NTRK1: variants seen among roughly 807,000 people sequenced by gnomAD.
NTRK1 encodes high affinity nerve growth factor receptor.
Under a neutral mutation model 86.8 loss-of-function variants are expected in NTRK1, and 62 were observed. That is an observed-to-expected ratio of 0.71 (90% CI 0.58 to 0.88). The LOEUF is 0.88. Ranked by LOEUF, NTRK1 falls within the 40% of genes least tolerant of loss-of-function variation. The probability of loss-of-function intolerance (pLI) is 0.00; values close to 1 mark genes in which losing one functional copy is unlikely to be tolerated. For synonymous variants in NTRK1, 469 were observed against 456.6 expected, an observed-to-expected ratio of 1.03 and a Z score of -0.35; for missense variants, 967 against 1,078.4, an observed-to-expected ratio of 0.90 and a Z score of 1.45.
chr1:156,854,316 A>C lies in NTRK1; in HGVS notation c.51-10038A>C. 1 of 1,597,770 alleles carries C rather than the reference A, an allele frequency of 6.3e-7. No individual in the cohort carries two copies. Among genetic ancestry groups the C allele is most frequent in the Admixed American group, 1.7e-5 (1 of 59,434 alleles). On this transcript the variant is annotated intron_variant, in intron 2 of 16. Coordinates refer to the NTRK1 transcript ENST00000392302. This position sits in a 1 kb window ranked among gnomAD's most constrained non-coding sequence, Gnocchi z 4.2. ...AGGCTGGGGCACACTGTGGGCATAC[A>C]CGGCACGCAGCATTGAGTACAGCCC...
At chr1:156,821,748 G>T (rs1312107766) in intron 1 of NTRK1, among the ~76,000 whole-genome samples, 2 of 152,180 alleles carry the variant, frequency 1.3e-5, no homozygotes, top group Admixed American at 6.5e-5. Context: ...TTCAGACAGG[G>T]TGCAAGGTGA....
chr1:156,820,380 G>A (rs1317275355), intron 1 of NTRK1, among the ~76,000 whole-genome samples: 1 of 152,154 alleles, frequency 6.6e-6, no homozygotes. Context: ...CCAAGTAGTT[G>A]GGACTACAGG....
chr1:156,817,358 G>T (rs1365965024), intron 1 of NTRK1, among the ~76,000 whole-genome samples: 1 of 151,966 alleles, frequency 6.6e-6, no homozygotes, highest in Non-Finnish European at 1.5e-5. Flanking sequence ...TCAGGCGAGA[G>T]AATCGCTTGA....
Position 156,860,883 on chromosome 1 carries a change from G to C in NTRK1, c.-52G>C. On this transcript the variant is annotated 5_prime_UTR_variant, in exon 1 of 17. Coordinates refer to ENST00000524377, the MANE Select transcript of NTRK1 (RefSeq NM_002529.4). ...TGTCGGGGGAGGCCTGGCAGCTGCA[G>C]CTGGGAGCGCACAGACGGCTGCCCC... 9 of 1,396,718 alleles carry C rather than the reference G, an allele frequency of 6.4e-6. No homozygotes were observed. Among genetic ancestry groups the C allele is most frequent in the Non-Finnish European group, 8.3e-6 (9 of 1,087,500 alleles). 86.5% of individuals were successfully genotyped at this position (1,396,718 alleles called of 1,614,324 possible).
At chr1:156,831,250 G>A (rs1300065428) in intron 1 of NTRK1, among the ~76,000 whole-genome samples, 1 of 152,184 alleles carries the variant, frequency 6.6e-6, no homozygotes, top group Non-Finnish European at 1.5e-5. Flanking sequence ...ATGTGGAGGC[G>A]GGATGGTCAT....
At chr1:156,866,738 C>CCCCCA (rs1471079114) in intron 3 of NTRK1, among the ~76,000 whole-genome samples, 172 bp from the exon 4 acceptor site, 3 of 146,380 alleles carry the variant, frequency 2.0e-5, no homozygotes, top group African/African-American at 7.6e-5. Flanking sequence ...GTCCCCCCAC[C>CCCCCA]CCCCACCCCA....
chr1:156,829,192 A>C (rs1654400805), intron 1 of NTRK1, among the ~76,000 whole-genome samples: 1 of 152,186 alleles, frequency 6.6e-6, no homozygotes, highest in African/African-American at 2.4e-5. Flanking sequence ...TTAGATGTAG[A>C]GTAGGTGACG....
intron 1 of NTRK1, chr1:156,840,699 T>C (rs529682178): frequency 6.4e-6 from 4 of 623,246 alleles, no homozygotes; most frequent in Middle Eastern, 4.3e-4. Context: ...GAAACTCCTA[T>C]GGTGAGACCC....
intron 1 of NTRK1, among the ~76,000 whole-genome samples, chr1:156,820,551 C>G (rs1472776708): frequency 6.6e-6 from 1 of 152,186 alleles, no homozygotes; most frequent in Non-Finnish European, 1.5e-5. Context: ...CCAGCCCCCC[C>G]AATGTATGTT....
chr1:156,842,916 G>T, intron 2 of NTRK1: 1 of 1,022,192 alleles, frequency 9.8e-7, no homozygotes, highest in Non-Finnish European at 1.5e-6. Flanking sequence ...CCTTAATGGT[G>T]CCCTAACCTC....
chr1:156,861,786 T>TC (rs1558096375), intron 1 of NTRK1, among the ~76,000 whole-genome samples: 1 of 152,148 alleles, frequency 6.6e-6, no homozygotes, highest in Non-Finnish European at 1.5e-5. Context: ...TCCAACCTTG[T>TC]CTCTCTACCT....
rs1647472328 is a variant in NTRK1, at chr1:156,870,172, T to C, written c.718-1451T>C. Reference sequence around the variant, plus strand: ...GGAGAGACCTTAGATCAACTCTGTTTGGGGTGATTCCAGGATTTGCTTTCT... The same window carrying C: ...GGAGAGACCTTAGATCAACTCTGTTCGGGGTGATTCCAGGATTTGCTTTCT... On this transcript the variant is annotated intron_variant, in intron 6 of 16. Coordinates refer to ENST00000524377, the MANE Select transcript of NTRK1 (RefSeq NM_002529.4). Among the ~76,000 whole-genome samples, 3 of 152,186 alleles carry C rather than the reference T, an allele frequency of 2.0e-5. No homozygotes were observed. The East Asian group carries it at 5.8e-4, about 29-fold the overall frequency.
At chr1:156,863,046 A>G (rs1216414986) in intron 1 of NTRK1, among the ~76,000 whole-genome samples, 1 of 145,080 alleles carries the variant, frequency 6.9e-6, no homozygotes, top group African/African-American at 2.6e-5. Flanking sequence ...ACCGTCAGTG[A>G]GTCAGGGGCC....
intron 1 of NTRK1, among the ~76,000 whole-genome samples, chr1:156,828,628 G>A (rs765189544): frequency 1.3e-5 from 2 of 152,206 alleles, no homozygotes; most frequent in African/African-American, 2.4e-5. Context: ...CCGCGTGGAC[G>A]AGGATGATGA....
At chr1:156,869,018 CCCTTCCTTCCTTCCTTCCTTCCTT>C (rs773795513) in intron 6 of NTRK1, among the ~76,000 whole-genome samples, 4 of 43,562 alleles carry the variant, frequency 9.2e-5, no homozygotes, top group African/African-American at 3.2e-4. Context: ...TTTTCTCTCT[CCCTTCCTTCCTTCCTTCCTTCCTT>C]CCTTCCTTCC....
chr1:156,873,983 G>A (rs1214070666), intron 8 of NTRK1, 24 bp downstream of exon 8: 1 of 1,549,648 alleles, frequency 6.5e-7, no homozygotes, highest in Non-Finnish European at 8.7e-7. Flanking sequence ...CCTGAACCCT[G>A]CCCCCACTCC....
At chr1:156,874,099 G>C (rs1647745428) in intron 8 of NTRK1, 140 bp downstream of exon 8, 2 of 953,114 alleles carry the variant, frequency 2.1e-6, no homozygotes, top group Non-Finnish European at 3.2e-6. Context: ...GTGTCCCGCT[G>C]TTCTGGCCTC....
intron 1 of NTRK1, chr1:156,837,338 G>A (rs1413639842): frequency 2.0e-5 from 3 of 152,496 alleles, no homozygotes; most frequent in South Asian, 2.1e-4. Flanking sequence ...CCCCAGCTCC[G>A]CCCACCTGGA....
At position 156,873,842 on chromosome 1, in the gene NTRK1, G is replaced by T; in HGVS notation, c.1060G>T (p.Val354Phe). ...TCTGCGCCTCAACCAGCCCACCCAC[G>T]TCAACAACGGCAACTACACGCTGCT... ...GCLRLNQPTH[V>F]NNGNYTLLAA... Residue 354 changes from valine (V) to phenylalanine (F), a missense_variant, in exon 8 of 17, where the codon GTC becomes TTC. Around this residue, in one of 2 missense-constraint regions of NTRK1, gnomAD observed 637 missense variants for 776.5 expected, o/e 0.82. Coordinates refer to ENST00000524377, the MANE Select transcript of NTRK1 (RefSeq NM_002529.4). The T allele has an allele frequency of 1.2e-6, 2 of 1,610,308 alleles. No individual in the cohort carries two copies. The highest frequency in any genetic ancestry group is 1.7e-6 in the Non-Finnish European group (2 of 1,178,280).
Sources: allele counts gnomAD v4.1 joint callset (sites outside exome capture counted in the v4.1 genomes callset), GRCh38; gene constraint gnomAD v4.1.1; regional missense constraint gnomAD v4.1.1; non-coding constraint Gnocchi (gnomAD v3.1); transcripts MANE v1.5; gene names NCBI Gene and HGNC (gene_info 2026-07-23, HGNC 2026-07-21).